The following ZNF385D variants were observed in gnomAD, a reference collection of about 807,000 sequenced individuals.
The protein encoded by ZNF385D is zinc finger protein 659.
ZNF385D carries 15 observed loss-of-function variants against 35.8 expected under a neutral mutation model. The observed-to-expected ratio is 0.42, with a 90% confidence interval of 0.28 to 0.64. The LOEUF (loss-of-function observed/expected upper bound fraction) is 0.64. Ranked by LOEUF, ZNF385D falls within the 30% of genes least tolerant of loss-of-function variation. The pLI is 0.23. For synonymous variants in ZNF385D, 212 were observed against 186.8 expected (o/e 1.13, Z -1.10); for missense variants, 474 against 494.6 (o/e 0.96, Z 0.39).
chr3:22,209,108 T>C (rs1697349044), intron 2 of ZNF385D, among the ~76,000 whole-genome samples: 1 of 151,860 alleles, frequency 6.6e-6, no homozygotes, highest in South Asian at 2.1e-4. Context: ...GCTCCTCCGA[T>C]TCATTCAGTA....
At chr3:21,502,789 A>G (rs1706482060) in intron 4 of ZNF385D, among the ~76,000 whole-genome samples, 1 of 152,188 alleles carries the variant, frequency 6.6e-6, no homozygotes, top group Non-Finnish European at 1.5e-5. Context: ...AGAAGGGAAC[A>G]CTTGATAAAA....
chr3:21,991,061 T>C (rs1695120673), intron 3 of ZNF385D, among the ~76,000 whole-genome samples: 1 of 152,164 alleles, frequency 6.6e-6, no homozygotes, highest in Non-Finnish European at 1.5e-5. Context: ...AATGTAAAAT[T>C]CCTTGTACAA....
At chr3:21,567,541 A>T (rs1250348790) in intron 2 of ZNF385D, among the ~76,000 whole-genome samples, 1 of 152,094 alleles carries the variant, frequency 6.6e-6, no homozygotes, top group African/African-American at 2.4e-5. Context: ...AGAACACTGA[A>T]GGGTAATTTT....
chr3:22,035,371 G>C (rs1698250543), intron 3 of ZNF385D, among the ~76,000 whole-genome samples: 1 of 152,122 alleles, frequency 6.6e-6, no homozygotes, highest in Non-Finnish European at 1.5e-5. Context: ...TATTTTGAAT[G>C]TTAAGCAAAA....
chr3:22,127,269 T>C (rs1297025220), intron 3 of ZNF385D, among the ~76,000 whole-genome samples: 4 of 150,786 alleles, frequency 2.7e-5, no homozygotes, highest in Non-Finnish European at 5.9e-5. Context: ...CTGTCCTATA[T>C]TCTTTTTGTG....
chr3:21,870,775 C>G (rs1357593227), intron 3 of ZNF385D, among the ~76,000 whole-genome samples: 1 of 152,042 alleles, frequency 6.6e-6, no homozygotes, highest in East Asian at 1.9e-4. Context: ...TGGCTGTTAG[C>G]ATGTTCTAGC....
At chr3:21,637,981 T>C (rs1481697840) in intron 2 of ZNF385D, among the ~76,000 whole-genome samples, 1 of 152,116 alleles carries the variant, frequency 6.6e-6, no homozygotes, top group Admixed American at 6.6e-5. Context: ...AATCTGTTAT[T>C]GAACATATCT....
At chr3:22,311,486 A>C (rs1171877436) in intron 2 of ZNF385D, among the ~76,000 whole-genome samples, 4 of 152,078 alleles carry the variant, frequency 2.6e-5, no homozygotes, top group Non-Finnish European at 5.9e-5. Flanking sequence ...ATTTTTAAAT[A>C]CTATCACATA....
At chr3:21,571,649 A>C (rs978131369) in intron 2 of ZNF385D, among the ~76,000 whole-genome samples, 8 of 152,204 alleles carry the variant, frequency 5.3e-5, no homozygotes, top group Non-Finnish European at 1.0e-4. Flanking sequence ...AACACCAGTC[A>C]CAAGTTTGAG....
intron 3 of ZNF385D, among the ~76,000 whole-genome samples, chr3:21,873,187 T>C (rs1301804007): frequency 6.6e-6 from 1 of 152,166 alleles, no homozygotes; most frequent in Non-Finnish European, 1.5e-5. Flanking sequence ...ATTTGATATA[T>C]GAACATAGAT....
intron 2 of ZNF385D, among the ~76,000 whole-genome samples, chr3:22,310,317 A>G (rs17374706): frequency 0.049 from 7,332 of 149,144 alleles, 264 homozygotes; most frequent in Non-Finnish European, 0.071. Flanking sequence ...TATGAGAATG[A>G]TATGAGCTGT....
chr3:21,485,407 T>C (rs1347379540), intron 4 of ZNF385D, among the ~76,000 whole-genome samples: 1 of 152,132 alleles, frequency 6.6e-6, no homozygotes, highest in African/African-American at 2.4e-5. Context: ...ACTTGAATTG[T>C]CCTAAACTGC....
At chr3:22,323,662 G>A (rs187004161) in intron 2 of ZNF385D, among the ~76,000 whole-genome samples, 47 of 152,100 alleles carry the variant, frequency 3.1e-4, no homozygotes, top group Admixed American at 2.4e-3. Flanking sequence ...TTAAAGCTAC[G>A]GTAACACAAA....
chr3:21,890,789 A>G (rs1020112564), intron 3 of ZNF385D, among the ~76,000 whole-genome samples: 2 of 152,206 alleles, frequency 1.3e-5, no homozygotes, highest in African/African-American at 4.8e-5. Context: ...AAGGGGTAAT[A>G]AAGAGTCAAA....
At chr3:21,555,443 C>CACT (rs1029442606) in intron 3 of ZNF385D, among the ~76,000 whole-genome samples, 9 of 151,918 alleles carry the variant, frequency 5.9e-5, no homozygotes, top group Admixed American at 4.6e-4. Flanking sequence ...GTTCAGCTCC[C>CACT]ACTTATGAGA....
At chr3:21,667,425 G>T (rs2066441824) in intron 1 of ZNF385D, among the ~76,000 whole-genome samples, 1 of 152,104 alleles carries the variant, frequency 6.6e-6, no homozygotes, top group African/African-American at 2.4e-5. Flanking sequence ...GCCTCCCAAA[G>T]TGCTGGGATT....
intron 3 of ZNF385D, among the ~76,000 whole-genome samples, chr3:21,976,601 G>C (rs137904913): frequency 2.4e-4 from 36 of 152,272 alleles, no homozygotes; most frequent in African/African-American, 8.7e-4. Context: ...CATTGCCTAT[G>C]GTTGTGTTAT....
chr3:22,239,461 A>T (rs999268187), intron 2 of ZNF385D, among the ~76,000 whole-genome samples: 4 of 151,028 alleles, frequency 2.6e-5, no homozygotes, highest in Admixed American at 1.3e-4. Flanking sequence ...ACTTTACCAG[A>T]ATTCCTCTTT....
At chr3:21,771,264 C>G (rs976784663) in intron 3 of ZNF385D, among the ~76,000 whole-genome samples, 1 of 151,208 alleles carries the variant, frequency 6.6e-6, no homozygotes, top group Admixed American at 6.6e-5. Flanking sequence ...CCTGAGGAAG[C>G]CTTAAATGTA....
Sources: allele counts gnomAD v4.1 joint callset (sites outside exome capture counted in the v4.1 genomes callset), GRCh38; gene constraint gnomAD v4.1.1; transcripts MANE v1.5; gene names NCBI Gene and HGNC (gene_info 2026-07-23, HGNC 2026-07-21).